VPS26A: variants seen among roughly 807,000 people sequenced by gnomAD.
VPS26A encodes the protein vacuolar protein sorting-associated protein 26A.
In VPS26A, 22 loss-of-function variants were observed where a neutral mutation model predicts 42.4. The observed-to-expected ratio is 0.52, with a 90% CI of 0.37 to 0.74. The LOEUF (loss-of-function observed/expected upper bound fraction) is 0.74. Among genes scored for constraint, VPS26A ranks in the 30% least tolerant of loss-of-function variants. The pLI is 0.00. For missense variants in VPS26A, 276 were observed against 379.2 expected (o/e 0.73, Z 2.26); for synonymous variants, 110 against 123.5 (o/e 0.89, Z 0.73).
Position 69,172,274 on chromosome 10 carries a change from A to G in VPS26A, c.*1005A>G, listed in dbSNP as rs1042205261. ...ACTCGAACTTTGGCTAGTTAAACTCATATTGAAACTTCATCTAGTCTCTTA... is the reference window on the plus strand; with the variant it reads ...ACTCGAACTTTGGCTAGTTAAACTCGTATTGAAACTTCATCTAGTCTCTTA... On this transcript the variant is annotated 3_prime_UTR_variant, in exon 9 of 9. Coordinates refer to ENST00000263559, the MANE Select transcript of VPS26A (RefSeq NM_004896.5). 2 of 152,162 alleles carry G rather than the reference A, an allele frequency of 1.3e-5. No individual in the cohort carries two copies. The highest frequency in any genetic ancestry group is 6.6e-5 in the Admixed American group (1 of 15,266). 9.4% of individuals were successfully genotyped at this position (152,162 alleles called of 1,614,324 possible). A position where few individuals can be genotyped will look rare whatever the true frequency, so the allele number is the denominator to read the frequency against.
intron 2 of VPS26A, among the ~76,000 whole-genome samples, chr10:69,143,132 G>A (rs1472282652): frequency 2.0e-5 from 3 of 152,128 alleles, no homozygotes; most frequent in African/African-American, 4.8e-5. Context: ...GGTTGTTTAC[G>A]ACCAAGCATG....
intron 2 of VPS26A, among the ~76,000 whole-genome samples, chr10:69,152,849 A>C (rs546952975): frequency 6.6e-6 from 1 of 152,038 alleles, no homozygotes; most frequent in East Asian, 1.9e-4. Flanking sequence ...GGGCGCCTGT[A>C]GTCCCAGCCA....
intron 1 of VPS26A, among the ~76,000 whole-genome samples, chr10:69,132,159 TTTGAA>T (rs1840793694): frequency 6.6e-6 from 1 of 152,212 alleles, no homozygotes; most frequent in African/African-American, 2.4e-5. Context: ...GTGTGAGTAC[TTTGAA>T]TTGTGTAAAT....
intron 2 of VPS26A, 115 bp downstream of exon 2, chr10:69,133,162 T>C: frequency 9.4e-7 from 1 of 1,061,352 alleles, no homozygotes; most frequent in Non-Finnish European, 1.3e-6. Flanking sequence ...AGATTTTTTT[T>C]TCCCTAAAGT....
At chr10:69,130,139 T>C (rs1564672154) in intron 1 of VPS26A, among the ~76,000 whole-genome samples, 3 of 103,632 alleles carry the variant, frequency 2.9e-5, no homozygotes, top group Non-Finnish European at 7.5e-5. Flanking sequence ...TGTATATTTG[T>C]TTATTTTCTG....
chr10:69,166,813 G>A (rs1357353373), intron 7 of VPS26A, among the ~76,000 whole-genome samples: 1 of 152,122 alleles, frequency 6.6e-6, no homozygotes, highest in African/African-American at 2.4e-5. Context: ...AAATTGGTGT[G>A]CATGAGAAAA....
chr10:69,134,083 A>C (rs1840851943), intron 2 of VPS26A, among the ~76,000 whole-genome samples: 1 of 152,154 alleles, frequency 6.6e-6, no homozygotes, highest in Non-Finnish European at 1.5e-5. Flanking sequence ...ACCACAAAAC[A>C]TTTGAAATAA....
intron 1 of VPS26A, among the ~76,000 whole-genome samples, chr10:69,131,906 A>G (rs1266695903): frequency 6.6e-6 from 1 of 151,330 alleles, no homozygotes; most frequent in Non-Finnish European, 1.5e-5. Flanking sequence ...ATTCTGTATT[A>G]TTACCAACTG....
intron 2 of VPS26A, among the ~76,000 whole-genome samples, chr10:69,149,743 T>G (rs1175734861): frequency 0.054 from 2,115 of 39,036 alleles, 100 homozygotes; most frequent in Non-Finnish European, 0.066. Context: ...TGTTTTTTTT[T>G]TTTTTTTTTT....
At chr10:69,162,585 T>A in intron 6 of VPS26A, 73 bp downstream of exon 6, 1 of 993,526 alleles carries the variant, frequency 1.0e-6, no homozygotes, top group Non-Finnish European at 1.4e-6. Context: ...AAATATTGTT[T>A]AAACATAATT....
intron 8 of VPS26A, among the ~76,000 whole-genome samples, chr10:69,170,567 G>GT (rs1314153246): frequency 6.6e-6 from 1 of 152,180 alleles, no homozygotes; most frequent in Non-Finnish European, 1.5e-5. Flanking sequence ...TGTAGGGCGA[G>GT]TTTATTTGGA....
At chr10:69,143,504 G>A (rs1841088235) in intron 2 of VPS26A, among the ~76,000 whole-genome samples, 1 of 152,104 alleles carries the variant, frequency 6.6e-6, no homozygotes, top group South Asian at 2.1e-4. Context: ...TGGGGATTCT[G>A]CTGTTCTGTT....
rs761760413 is a variant in VPS26A at position 69,166,028 on chromosome 10, C to T, written c.659-14C>T. 43 of 1,605,106 alleles carry T rather than the reference C, an allele frequency of 2.7e-5. No homozygotes were observed. In the Middle Eastern group the frequency reaches 9.9e-4, roughly 37 times the overall value. ...GGAATATTTAAATTAATGTTATTTA[C>T]ATTATTGCACTAGGACCCAGTACCA... On this transcript the variant is annotated splice_polypyrimidine_tract_variant and intron_variant, in intron 6 of 8. Coordinates refer to ENST00000263559, the MANE Select transcript of VPS26A (RefSeq NM_004896.5).
At chr10:69,126,888 G>C (rs1840667367) in intron 1 of VPS26A, among the ~76,000 whole-genome samples, 1 of 151,024 alleles carries the variant, frequency 6.6e-6, no homozygotes, top group Non-Finnish European at 1.5e-5. Flanking sequence ...TTTTCTTTTT[G>C]TTCTCTACCT....
intron 2 of VPS26A, among the ~76,000 whole-genome samples, chr10:69,142,567 A>T (rs1246030488): frequency 1.3e-5 from 2 of 152,124 alleles, no homozygotes; most frequent in Non-Finnish European, 2.9e-5. Context: ...AGTGGTATAG[A>T]TTTGTAATAA....
intron 2 of VPS26A, among the ~76,000 whole-genome samples, chr10:69,150,614 G>T (rs1236261336): frequency 6.8e-6 from 1 of 146,034 alleles, no homozygotes; most frequent in East Asian, 2.1e-4. Context: ...ACCCAGGATG[G>T]TCTAGATCTC....
chr10:69,166,866 C>G (rs756589510), intron 7 of VPS26A, among the ~76,000 whole-genome samples: 27 of 152,230 alleles, frequency 1.8e-4, no homozygotes, highest in Admixed American at 5.2e-4. Flanking sequence ...GTGGCTCATG[C>G]CTGTAATCCC....
intron 6 of VPS26A, among the ~76,000 whole-genome samples, chr10:69,162,846 A>C (rs1841590603): frequency 6.6e-6 from 1 of 152,236 alleles, no homozygotes; most frequent in South Asian, 2.1e-4. Context: ...TCAGTGGAGC[A>C]GGTCAAAACT....
At position 69,166,074 on chromosome 10, in the gene VPS26A, G is replaced by A. The variant is rs200224687; in HGVS notation, c.691G>A (p.Ala231Thr). The change falls in exon 7 of 9, where the codon GCC becomes ACC. Residue 231 changes from alanine to threonine, a missense_variant. By Grantham distance (58) the Ala-to-Thr change is moderately conservative. Transcript: ENST00000263559. Reference protein sequence around the residue: ...PSTTTETETIAKYEIMDGAPV... With the variant: ...PSTTTETETITKYEIMDGAPV... Reference sequence around the variant, plus strand: ...TACCACAACAGAAACAGAAACAATCGCCAAATATGAAATAATGGATGGTGC... The same window carrying A: ...TACCACAACAGAAACAGAAACAATCACCAAATATGAAATAATGGATGGTGC... The A allele has an allele frequency of 1.2e-4, 192 of 1,613,714 alleles. No homozygotes were observed. Among genetic ancestry groups the A allele is most frequent in the South Asian group, 1.9e-4 (17 of 91,054 alleles).
Sources: gnomAD v4.1 joint callset for allele counts (sites outside exome capture counted in the v4.1 genomes callset) on GRCh38, gnomAD v4.1.1 for gene constraint, MANE v1.5 for transcripts, NCBI Gene and HGNC (gene_info 2026-07-23, HGNC 2026-07-21) for gene names.